MFHAS1: variants seen among roughly 807,000 people sequenced by gnomAD.
MFHAS1 encodes the protein malignant fibrous histiocytoma-amplified sequence 1.
MFHAS1 carries 50 observed loss-of-function variants against 70.4 expected under a neutral mutation model. That is an observed-to-expected ratio of 0.71 (90% CI 0.57 to 0.90). The LOEUF (loss-of-function observed/expected upper bound fraction) is 0.90, where lower values mean the gene tolerates loss of function less well. Ranked by LOEUF, MFHAS1 falls within the 40% of genes least tolerant of loss-of-function variation. The pLI, the probability that MFHAS1 is intolerant of heterozygous loss-of-function variation, is 0.00. For missense variants in MFHAS1, 1,795 were observed against 1,347.6 expected, an observed-to-expected ratio of 1.33 and a Z score of -5.20; for synonymous variants, 952 against 620.0, an observed-to-expected ratio of 1.54 and a Z score of -7.96.
chr8:8,851,478 C>A (rs544471866), intron 1 of MFHAS1, among the ~76,000 whole-genome samples: 1 of 152,294 alleles, frequency 6.6e-6, no homozygotes, highest in East Asian at 1.9e-4. Flanking sequence ...ACAGGCTCTT[C>A]AAACTCTACG....
intron 1 of MFHAS1, among the ~76,000 whole-genome samples, chr8:8,851,404 G>T (rs534093672): frequency 3.5e-4 from 54 of 152,262 alleles, no homozygotes; most frequent in African/African-American, 1.3e-3. Context: ...GCACACAAAC[G>T]TCTCAGAAAT....
In MFHAS1 at chr8:8,807,767, C is replaced by G. The variant is rs545820000; in HGVS notation, c.2999-10276G>C. Among the ~76,000 whole-genome samples the G allele has an allele frequency of 3.3e-5, 5 of 152,324 alleles. No homozygotes were observed. The South Asian group carries it at 8.3e-4, about 25-fold the overall frequency. Reference sequence around the variant, plus strand: ...TGGGACACACTGTAAGTAGCTAAAACTTCCGAGGTCAATGTTGCAAAGGAG... The same window carrying G: ...TGGGACACACTGTAAGTAGCTAAAAGTTCCGAGGTCAATGTTGCAAAGGAG... On this transcript the variant is annotated intron_variant, in intron 1 of 2. Transcript: ENST00000276282.
chr8:8,798,473 G>A (rs1433035778), intron 1 of MFHAS1, among the ~76,000 whole-genome samples: 1 of 152,116 alleles, frequency 6.6e-6, no homozygotes, highest in Non-Finnish European at 1.5e-5. Flanking sequence ...CCACAGGTAT[G>A]CAGCACCACA....
At chr8:8,851,354 T>C (rs762233359) in intron 1 of MFHAS1, among the ~76,000 whole-genome samples, 1 of 152,216 alleles carries the variant, frequency 6.6e-6, no homozygotes, top group African/African-American at 2.4e-5. Context: ...TACAAGTCAG[T>C]AGGACACTAG....
At chr8:8,871,637 A>C (rs187986233) in intron 1 of MFHAS1, among the ~76,000 whole-genome samples, 2 of 152,318 alleles carry the variant, frequency 1.3e-5, no homozygotes, top group Admixed American at 1.3e-4. Context: ...TAGCAGGTGT[A>C]AATGCTTGGG....
intron 1 of MFHAS1, among the ~76,000 whole-genome samples, chr8:8,872,488 TTTTC>T (rs1809116037): frequency 6.6e-6 from 1 of 152,220 alleles, no homozygotes; most frequent in Non-Finnish European, 1.5e-5. Flanking sequence ...GTCATCTGGC[TTTTC>T]TTTTTAGCTA....
chr8:8,859,519 C>CT (rs1458586102), intron 1 of MFHAS1, among the ~76,000 whole-genome samples: 1 of 152,110 alleles, frequency 6.6e-6, no homozygotes, highest in African/African-American at 2.4e-5. Context: ...TTTCTTCCAC[C>CT]CCTACCATGC....
At chr8:8,850,792 C>T (rs1165312703) in intron 1 of MFHAS1, among the ~76,000 whole-genome samples, 4 of 120,806 alleles carry the variant, frequency 3.3e-5, no homozygotes, top group African/African-American at 1.3e-4. Context: ...GCCTGGGCAA[C>T]AGGAGTGAAA....
chr8:8,801,140 G>A (rs1341494275), intron 1 of MFHAS1, among the ~76,000 whole-genome samples: 2 of 151,982 alleles, frequency 1.3e-5, no homozygotes, highest in African/African-American at 4.8e-5. Flanking sequence ...GCTTGAACCT[G>A]GGAAGTGGAG....
At chr8:8,797,583 G>A (rs1805952255) in intron 1 of MFHAS1, 92 bp from the exon 2 acceptor site, 5 of 1,385,176 alleles carry the variant, frequency 3.6e-6, no homozygotes, top group Non-Finnish European at 5.0e-6. Flanking sequence ...ATGGGGGCAG[G>A]GGGAGAAGGG....
At chr8:8,811,334 G>A (rs1013522475) in intron 1 of MFHAS1, among the ~76,000 whole-genome samples, 1 of 151,538 alleles carries the variant, frequency 6.6e-6, no homozygotes, top group Non-Finnish European at 1.5e-5. Context: ...TTGAGATAGG[G>A]TCTTGCGCTG....
At chr8:8,789,245 C>A (rs1438062893) in intron 2 of MFHAS1, among the ~76,000 whole-genome samples, 1 of 152,126 alleles carries the variant, frequency 6.6e-6, no homozygotes, top group Admixed American at 6.5e-5. Context: ...TGGAGAATTA[C>A]TACATATAGG....
chr8:8,880,095 T>A (rs410487), intron 1 of MFHAS1, among the ~76,000 whole-genome samples: 4 of 152,086 alleles, frequency 2.6e-5, no homozygotes, highest in African/African-American at 7.3e-5. Context: ...CCAGGAGGCT[T>A]GGATGCCCTC....
intron 1 of MFHAS1, among the ~76,000 whole-genome samples, chr8:8,839,762 T>C (rs1490352769): frequency 6.6e-6 from 1 of 152,228 alleles, no homozygotes; most frequent in Non-Finnish European, 1.5e-5. Flanking sequence ...ATGATATCCT[T>C]GTAACACGAG....
chr8:8,842,255 G>A (rs1361712190), intron 1 of MFHAS1, among the ~76,000 whole-genome samples: 4 of 151,686 alleles, frequency 2.6e-5, no homozygotes, highest in East Asian at 1.9e-4. Flanking sequence ...GCTCAACCTC[G>A]GCTCACTGCA....
chr8:8,889,019 A>T (rs577766802), intron 1 of MFHAS1, among the ~76,000 whole-genome samples: 2 of 148,240 alleles, frequency 1.3e-5, no homozygotes, highest in African/African-American at 2.4e-5. Flanking sequence ...TAAGAAAAAA[A>T]AAAAAGTCTT....
At chr8:8,838,147 A>C (rs1320944782) in intron 1 of MFHAS1, among the ~76,000 whole-genome samples, 1 of 152,220 alleles carries the variant, frequency 6.6e-6, no homozygotes, top group African/African-American at 2.4e-5. Context: ...CACTGAGTGA[A>C]AAGGTCAGAC....
chr8:8,794,321 G>T (rs1420393422), intron 2 of MFHAS1, among the ~76,000 whole-genome samples: 1 of 152,164 alleles, frequency 6.6e-6, no homozygotes, highest in Non-Finnish European at 1.5e-5. Context: ...TCAGGCTCAG[G>T]CCCAAGCTGT....
In MFHAS1 at chr8:8,818,978, T is replaced by G. The variant is rs530933411; in HGVS notation, c.2999-21487A>C. On this transcript the variant is annotated intron_variant, in intron 1 of 2. Transcript: ENST00000276282. Reference sequence around the variant, plus strand: ...TATTTATTCTACGGATATACTAACATGTGTCAAAGAATACAATCTCGAGTC... The same window carrying G: ...TATTTATTCTACGGATATACTAACAGGTGTCAAAGAATACAATCTCGAGTC... 5.3e-5 allele frequency among the ~76,000 whole-genome samples: 8 copies of G among 152,268 alleles called. No individual in the cohort carries two copies. In the South Asian group the frequency reaches 1.7e-3, roughly 32 times the overall value.
Sources: gnomAD v4.1 joint callset for allele counts (sites outside exome capture counted in the v4.1 genomes callset) on GRCh38, gnomAD v4.1.1 for gene constraint, MANE v1.5 for transcripts, NCBI Gene and HGNC (gene_info 2026-07-23, HGNC 2026-07-21) for gene names.